LRRC38: variants seen among roughly 807,000 people sequenced by gnomAD.
LRRC38 encodes the protein leucine-rich repeat-containing protein 38.
In LRRC38, 5 loss-of-function variants were observed where a neutral mutation model predicts 16.4. The observed-to-expected ratio is 0.31, with a 90% CI of 0.16 to 0.64. The LOEUF is 0.64. Ranked by LOEUF, LRRC38 falls within the 30% of genes least tolerant of loss-of-function variation. The pLI is 0.80. For synonymous variants in LRRC38, 191 were observed against 190.2 expected (o/e 1.00, Z -0.04); for missense variants, 341 against 401.8 (o/e 0.85, Z 1.29).
In LRRC38 at chr1:13,475,555, C is replaced by G. The variant is rs1638775890; in HGVS notation, c.*291G>C. 2.7e-6 allele frequency: 1 copy of G among 373,162 alleles called. No individual in the cohort carries two copies. The highest frequency in any genetic ancestry group is 5.0e-6 in the Non-Finnish European group (1 of 201,530). 23.1% of individuals were successfully genotyped at this position (373,162 alleles called of 1,614,324 possible). A position where few individuals can be genotyped will look rare whatever the true frequency, so the allele number is the denominator to read the frequency against. ...CCTGGGGGAGGCTTTTAGTCATCAG[C>G]TATGAAGCCTGACTCGGTCATCTTC... On this transcript the variant is annotated 3_prime_UTR_variant, in exon 2 of 2. Transcript: ENST00000376085. The surrounding 1 kb of genome is among the most constrained non-coding windows in gnomAD (Gnocchi z 4.3).
chr1:13,478,882 G>T (rs985719811), intron 1 of LRRC38, among the ~76,000 whole-genome samples: 1 of 151,908 alleles, frequency 6.6e-6, no homozygotes. Flanking sequence ...CCAACCCATC[G>T]ATGCTTCTGT....
Position 13,513,534 on chromosome 1 carries a change from C to T in LRRC38, c.60G>A (p.Leu20=). 7.1e-7 allele frequency: 1 copy of T among 1,413,718 alleles called. No individual in the cohort carries two copies. Among genetic ancestry groups the T allele is most frequent in the Non-Finnish European group, 9.2e-7 (1 of 1,087,306 alleles). 87.6% of individuals were successfully genotyped at this position (1,413,718 alleles called of 1,614,324 possible). The change falls in exon 1 of 2, where the codon CTG becomes CTA. Residue 20 remains leucine (L), a synonymous_variant. Transcript: ENST00000376085. ...AAALGLCSLL[L]LLAPGHACPA... is the part of the protein sequence containing the mutation. The stretch of plus-strand genomic sequence containing the variant: ...GGCACGCGTGCCCGGGCGCGAGCAG[C>T]AGCAGAAGGCTGCAGAGCCCGAGCG...
chr1:13,512,976 G>A lies in LRRC38; in HGVS notation c.618C>T (p.Ser206=), dbSNP rs1031042631. ...GGCTCGGCTCACCTTTGGGCAGTTT[G>A]GATGCGTTCTCCTGGATCCAGGAGA... ...HLFSWIQENA[S]KLPKGLDEIQ... Residue 206 remains serine, a synonymous_variant, in exon 1 of 2, where the codon TCC becomes TCT. Transcript: ENST00000376085. The A allele has an allele frequency of 7.3e-7, 1 of 1,371,432 alleles. No homozygotes were observed. The highest frequency in any genetic ancestry group is 9.7e-7 in the Non-Finnish European group (1 of 1,031,394). The allele number at this position is 1,371,432 out of a possible 1,614,324, so 85.0% of individuals were successfully genotyped here.
chr1:13,476,122 G>A (rs1361509868), intron 1 of LRRC38, 23 bp from the exon 2 acceptor site: 4 of 1,548,968 alleles, frequency 2.6e-6, no homozygotes, highest in Non-Finnish European at 3.5e-6. Flanking sequence ...AGGCAGAGGA[G>A]AGAGAGATTT....
At chr1:13,511,254 C>G (rs1639270703) in intron 1 of LRRC38, among the ~76,000 whole-genome samples, 2 of 152,284 alleles carry the variant, frequency 1.3e-5, no homozygotes, top group Middle Eastern at 3.4e-3. Context: ...GTGGGATGGA[C>G]TATGCAGCAT....
chr1:13,496,046 A>T (rs1266058278), intron 1 of LRRC38, among the ~76,000 whole-genome samples: 2 of 152,236 alleles, frequency 1.3e-5, no homozygotes, highest in Non-Finnish European at 1.5e-5. Context: ...TTGTGATTAG[A>T]AGGGGTCTGG....
chr1:13,477,765 G>A (rs1638806302), intron 1 of LRRC38, among the ~76,000 whole-genome samples: 1 of 152,162 alleles, frequency 6.6e-6, no homozygotes, highest in Admixed American at 6.5e-5. Flanking sequence ...TTGAGCCTGG[G>A]AAACTGAGGC....
intron 1 of LRRC38, among the ~76,000 whole-genome samples, chr1:13,491,264 C>T (rs912218112): frequency 3.3e-5 from 5 of 152,226 alleles, no homozygotes; most frequent in African/African-American, 9.7e-5. Flanking sequence ...GCCTCACTCA[C>T]GCAGCAGCCG....
chr1:13,513,668 T>C lies in LRRC38; in HGVS notation c.-75A>G, dbSNP rs950063337. On this transcript the variant is annotated 5_prime_UTR_variant, in exon 1 of 2. Coordinates refer to ENST00000376085, the MANE Select transcript of LRRC38 (RefSeq NM_001010847.2). ...CGAGCCCTGGCGCGGGACGGCGCGG[T>C]GAGGCACTGGCTGCCGGGCGCGGGG... The C allele has an allele frequency of 6.1e-6, 6 of 978,646 alleles. No homozygotes were observed. The African/African-American group carries it at 1.1e-4, about 18-fold the overall frequency. 60.6% of individuals were successfully genotyped at this position (978,646 alleles called of 1,614,324 possible). A position where few individuals can be genotyped will look rare whatever the true frequency, so the allele number is the denominator to read the frequency against.
chr1:13,503,808 G>A (rs546024101), intron 1 of LRRC38, among the ~76,000 whole-genome samples: 7 of 152,214 alleles, frequency 4.6e-5, no homozygotes, highest in Non-Finnish European at 8.8e-5. Flanking sequence ...TTCGGTTTCT[G>A]TTGGCCTTTG....
chr1:13,506,088 G>A (rs1428597730), intron 1 of LRRC38, among the ~76,000 whole-genome samples: 1 of 152,178 alleles, frequency 6.6e-6, no homozygotes, highest in Non-Finnish European at 1.5e-5. Flanking sequence ...GACGTGACCT[G>A]TAACGTCAGG....
At chr1:13,484,313 T>C in intron 1 of LRRC38, among the ~76,000 whole-genome samples, 1 of 152,152 alleles carries the variant, frequency 6.6e-6, no homozygotes, top group East Asian at 1.9e-4. Flanking sequence ...TTTGTTTTTC[T>C]CTGAGCAGGT....
chr1:13,505,189 A>G (rs1206507174), intron 1 of LRRC38, among the ~76,000 whole-genome samples: 1 of 152,236 alleles, frequency 6.6e-6, no homozygotes, highest in Non-Finnish European at 1.5e-5. Flanking sequence ...TGTGCTTAGC[A>G]GAGGAGGGAA....
In LRRC38 at chr1:13,476,109, G is replaced by C; in HGVS notation, c.632-10C>G. On this transcript the variant is annotated splice_polypyrimidine_tract_variant and intron_variant, in intron 1 of 1. Transcript: ENST00000376085. ...TGGATTTCATCAAGGCCTGAGAAAA[G>C]GCAGGCAGAGGAGAGAGAGATTTAG... 1 of 1,550,002 alleles carries C rather than the reference G, an allele frequency of 6.5e-7. No individual in the cohort carries two copies.
chr1:13,482,624 T>G (rs1569911594), intron 1 of LRRC38, among the ~76,000 whole-genome samples: 2 of 144,840 alleles, frequency 1.4e-5, no homozygotes, highest in African/African-American at 5.1e-5. Context: ...ACAAGACAGG[T>G]CAAGGGCAAG....
chr1:13,512,932 T>TCCCCCCCCCC, intron 1 of LRRC38, 31 bp downstream of exon 1: 1 of 495,306 alleles, frequency 2.0e-6, no homozygotes, highest in South Asian at 2.8e-5. Context: ...CCCCCCTCCC[T>TCCCCCCCCCC]CCCTCCCCCA....
intron 1 of LRRC38, among the ~76,000 whole-genome samples, chr1:13,510,700 C>T (rs375238412): frequency 8.2e-4 from 124 of 152,132 alleles, no homozygotes; most frequent in African/African-American, 1.9e-3. Context: ...ACCTACCACA[C>T]GCCAAGCAAG....
chr1:13,504,361 G>C (rs149043762), intron 1 of LRRC38, among the ~76,000 whole-genome samples: 1 of 151,968 alleles, frequency 6.6e-6, no homozygotes, highest in Non-Finnish European at 1.5e-5. Context: ...GGTAACCACG[G>C]TACATATTTT....
chr1:13,488,260 T>C (rs974492793), intron 1 of LRRC38, among the ~76,000 whole-genome samples: 1 of 143,408 alleles, frequency 7.0e-6, no homozygotes. Context: ...TGAACAGCCT[T>C]GCACACTTTT....
Sources: gnomAD v4.1 joint callset for allele counts (sites outside exome capture counted in the v4.1 genomes callset) on GRCh38, gnomAD v4.1.1 for gene constraint, Gnocchi (gnomAD v3.1) non-coding constraint, MANE v1.5 for transcripts, NCBI Gene and HGNC (gene_info 2026-07-23, HGNC 2026-07-21) for gene names.